The following DAB1 variants were observed in gnomAD, a reference collection of about 807,000 sequenced individuals.
DAB1 encodes disabled homolog 1.
In DAB1, 15 loss-of-function variants were observed where a neutral mutation model predicts 64.6. The ratio of observed to expected loss-of-function variants is 0.23; its 90% CI spans 0.16 to 0.36. The LOEUF (loss-of-function observed/expected upper bound fraction) is 0.36, where lower values mean the gene tolerates loss of function less well. DAB1 is among the 10% of genes least tolerant of loss of function. The probability of loss-of-function intolerance (pLI) is 1.00; values close to 1 mark genes in which losing one functional copy is unlikely to be tolerated. For synonymous variants in DAB1, 235 were observed against 251.9 expected (o/e 0.93, Z 0.64); for missense variants, 596 against 706.7 (o/e 0.84, Z 1.78).
chr1:58,477,848 G>T (rs774909565), intron 3 of DAB1, among the ~76,000 whole-genome samples: 5 of 152,058 alleles, frequency 3.3e-5, no homozygotes, highest in Admixed American at 6.6e-5. Context: ...GGTTTGTGTT[G>T]GTTCCTCTGT....
intron 4 of DAB1, among the ~76,000 whole-genome samples, chr1:58,187,358 T>A (rs920070276): frequency 1.3e-5 from 2 of 150,436 alleles, no homozygotes; most frequent in African/African-American, 4.9e-5. Context: ...GCACTTGTAG[T>A]CCCAGTTACT....
chr1:57,986,452 T>G (rs1199424976), intron 5 of DAB1, among the ~76,000 whole-genome samples: 4 of 152,196 alleles, frequency 2.6e-5, no homozygotes, highest in Non-Finnish European at 5.9e-5. Flanking sequence ...TGCCTTGATC[T>G]TGAATTTCCC....
At chr1:57,646,058 G>A (rs571651773) in intron 7 of DAB1, among the ~76,000 whole-genome samples, 1 of 152,094 alleles carries the variant, frequency 6.6e-6, no homozygotes, top group South Asian at 2.1e-4. Flanking sequence ...AGAAAAAATA[G>A]CAAGAAAACA....
chr1:57,673,546 T>C (rs913523428), intron 6 of DAB1, among the ~76,000 whole-genome samples: 2 of 152,186 alleles, frequency 1.3e-5, no homozygotes, highest in Non-Finnish European at 2.9e-5. Context: ...TCAGGGAACA[T>C]TGTGGATGGA....
At chr1:57,685,992 C>T (rs957419257) in intron 6 of DAB1, among the ~76,000 whole-genome samples, 1 of 151,664 alleles carries the variant, frequency 6.6e-6, no homozygotes, top group African/African-American at 2.4e-5. Context: ...AACTTTTCAC[C>T]TAGAGGAATT....
intron 5 of DAB1, among the ~76,000 whole-genome samples, chr1:58,110,211 C>A (rs1263404057): frequency 6.6e-6 from 1 of 152,212 alleles, no homozygotes; most frequent in African/African-American, 2.4e-5. Context: ...CACACAGTGG[C>A]CCTTGTCACA....
At chr1:58,512,226 T>A (rs138305177) in intron 2 of DAB1, among the ~76,000 whole-genome samples, 1 of 152,148 alleles carries the variant, frequency 6.6e-6, no homozygotes, top group Non-Finnish European at 1.5e-5. Context: ...TGTTAGGTTA[T>A]CTATCATTGA....
chr1:57,126,851 C>A (rs550755229), intron 4 of DAB1, among the ~76,000 whole-genome samples: 13 of 152,170 alleles, frequency 8.5e-5, no homozygotes, highest in Non-Finnish European at 1.9e-4. Flanking sequence ...TCCCCAGGTT[C>A]CAGCCTGCAT....
rs551932818 is a variant in DAB1 at position 57,780,286 on chromosome 1, A to T, written n.551+103713T>A. ...ATACATAGCATAGGCATTTAAATTA[A>T]ATATAAAGTTATCCTCAGGAGATGG... On this transcript the variant is annotated intron_variant and non_coding_transcript_variant, in intron 6 of 20. Transcript: ENST00000485760. 2.6e-5 allele frequency among the ~76,000 whole-genome samples: 4 copies of T among 152,302 alleles called. No homozygotes were observed. The South Asian group carries it at 8.3e-4, about 32-fold the overall frequency.
chr1:58,037,189 C>A (rs1647057269), intron 5 of DAB1, among the ~76,000 whole-genome samples: 1 of 152,166 alleles, frequency 6.6e-6, no homozygotes, highest in Non-Finnish European at 1.5e-5. Context: ...TATCAGAACC[C>A]CCTTTGCCTG....
At chr1:57,336,728 A>G (rs953736115) in intron 1 of DAB1, among the ~76,000 whole-genome samples, 16 of 152,224 alleles carry the variant, frequency 1.1e-4, no homozygotes, top group African/African-American at 2.9e-4. Context: ...ACAAGAATCC[A>G]GATGTTACCC....
intron 4 of DAB1, among the ~76,000 whole-genome samples, chr1:58,194,971 G>A (rs2100242729): frequency 6.6e-6 from 1 of 152,312 alleles, no homozygotes; most frequent in South Asian, 2.1e-4. Context: ...CTATGTCTTT[G>A]TCTTTCCTTC....
intron 5 of DAB1, among the ~76,000 whole-genome samples, chr1:58,074,155 T>G (rs2100577419): frequency 6.6e-6 from 1 of 152,236 alleles, no homozygotes; most frequent in African/African-American, 2.4e-5. Flanking sequence ...TATAAATAGG[T>G]TGCTGTTTAG....
chr1:57,470,930 TA>T (rs1687113421), intron 7 of DAB1, among the ~76,000 whole-genome samples: 1 of 152,182 alleles, frequency 6.6e-6, no homozygotes, highest in Non-Finnish European at 1.5e-5. Context: ...GAGTTTTAGA[TA>T]AAAATGTAAA....
chr1:57,049,821 C>T (rs1011451496), intron 9 of DAB1, among the ~76,000 whole-genome samples: 1 of 152,166 alleles, frequency 6.6e-6, no homozygotes, highest in African/African-American at 2.4e-5. Flanking sequence ...CACACTTCCA[C>T]TTTGATTTGG....
intron 4 of DAB1, among the ~76,000 whole-genome samples, chr1:58,192,445 A>T (rs1657437150): frequency 6.6e-6 from 1 of 152,092 alleles, no homozygotes; most frequent in African/African-American, 2.4e-5. Context: ...ATAGTCTTCA[A>T]TGTCTATTAT....
At chr1:57,432,657 C>A (rs1484609716) in intron 7 of DAB1, among the ~76,000 whole-genome samples, 1 of 152,128 alleles carries the variant, frequency 6.6e-6, no homozygotes, top group Non-Finnish European at 1.5e-5. Flanking sequence ...ATGCCAGAAG[C>A]CAACTTCCAT....
intron 6 of DAB1, among the ~76,000 whole-genome samples, chr1:57,777,577 C>A (rs971771897): frequency 1.3e-5 from 2 of 151,804 alleles, no homozygotes; most frequent in Admixed American, 6.6e-5. Context: ...TTTCCAGTGA[C>A]ATATATATTT....
intron 3 of DAB1, among the ~76,000 whole-genome samples, chr1:58,504,040 G>A (rs770643052): frequency 6.6e-6 from 1 of 152,102 alleles, no homozygotes; most frequent in Non-Finnish European, 1.5e-5. Context: ...AGGATTATGA[G>A]AGTCTCCTAA....
Sources: gnomAD v4.1 joint callset for allele counts (sites outside exome capture counted in the v4.1 genomes callset) on GRCh38, gnomAD v4.1.1 for gene constraint, MANE v1.5 for transcripts, NCBI Gene and HGNC (gene_info 2026-07-23, HGNC 2026-07-21) for gene names.